VTI1A: variants seen among roughly 807,000 people sequenced by gnomAD.
VTI1A encodes the protein vesicle transport through interaction with t-SNAREs 1A, also known as vesicle transport through interaction with t-SNAREs homolog 1A.
In VTI1A, 22 loss-of-function variants were observed where a neutral mutation model predicts 34.9. The ratio of observed to expected loss-of-function variants is 0.63; its 90% CI spans 0.45 to 0.90. The LOEUF (loss-of-function observed/expected upper bound fraction) is 0.90. VTI1A is among the 40% of genes least tolerant of loss of function. VTI1A has a pLI of 0.00. For missense variants in VTI1A, 268 were observed against 275.6 expected (o/e 0.97, Z 0.20); for synonymous variants, 87 against 97.3 (o/e 0.89, Z 0.62).
chr10:112,450,686 CTG>C (rs1342221185), intron 1 of VTI1A: 2 of 152,140 alleles, frequency 1.3e-5, no homozygotes, highest in Admixed American at 1.3e-4. Context: ...TCTGATTACT[CTG>C]TGATATTTTT....
intron 5 of VTI1A, among the ~76,000 whole-genome samples, chr10:112,563,458 T>C (rs2134338671): frequency 6.6e-6 from 1 of 152,326 alleles, no homozygotes; most frequent in South Asian, 2.1e-4. Context: ...TTCAGTGCTG[T>C]AACCTTATCG....
In VTI1A at chr10:112,752,021, A is replaced by G. The variant is rs531045614; in HGVS notation, c.561-63269A>G. On this transcript the variant is annotated intron_variant, in intron 7 of 7. Coordinates refer to ENST00000393077, the MANE Select transcript of VTI1A (RefSeq NM_145206.4). ...TGATTACACATGTTCAGATACATCAATTTAACAGTAATCAAAGAGTTCTTT... is the reference window on the plus strand; with the variant it reads ...TGATTACACATGTTCAGATACATCAGTTTAACAGTAATCAAAGAGTTCTTT... Among the ~76,000 whole-genome samples the G allele has an allele frequency of 2.6e-5, 4 of 152,334 alleles. No individual in the cohort carries two copies. In the South Asian group the frequency reaches 8.3e-4, roughly 32 times the overall value.
At chr10:112,534,797 A>G (rs1850564577) in intron 4 of VTI1A, among the ~76,000 whole-genome samples, 4 of 152,068 alleles carry the variant, frequency 2.6e-5, no homozygotes, top group Admixed American at 2.6e-4. Flanking sequence ...CATAAATATT[A>G]TTTTTCTGCA....
At chr10:112,827,336 G>A in the VTI1A span, 2 of 151,906 alleles carry the variant, frequency 1.3e-5, no homozygotes, top group African/African-American at 4.8e-5. Context: ...TGGGTGTCAG[G>A]AGCGGTACTT....
chr10:112,513,646 C>T (rs1469137441), intron 3 of VTI1A, among the ~76,000 whole-genome samples: 1 of 151,874 alleles, frequency 6.6e-6, no homozygotes, highest in Non-Finnish European at 1.5e-5. Flanking sequence ...AACATTTCAC[C>T]ATGGAGAATT....
the VTI1A span, among the ~76,000 whole-genome samples, chr10:112,849,288 G>A: frequency 6.6e-6 from 1 of 152,248 alleles, no homozygotes; most frequent in Admixed American, 6.5e-5. Context: ...CCCTCCACCT[G>A]CTGGAGATGT....
intron 5 of VTI1A, among the ~76,000 whole-genome samples, chr10:112,649,857 T>C (rs561101061): frequency 9.4e-4 from 143 of 152,222 alleles, no homozygotes; most frequent in African/African-American, 2.8e-3. Flanking sequence ...AGTAAAAATA[T>C]GATATAAGAG....
chr10:112,787,065 T>G (rs1244201124), intron 7 of VTI1A, among the ~76,000 whole-genome samples: 3 of 152,224 alleles, frequency 2.0e-5, no homozygotes, highest in African/African-American at 7.2e-5. Flanking sequence ...TTTAAATTAC[T>G]AATCCAACTT....
At chr10:112,719,288 A>C (rs1849711868) in intron 7 of VTI1A, among the ~76,000 whole-genome samples, 1 of 152,228 alleles carries the variant, frequency 6.6e-6, no homozygotes, top group African/African-American at 2.4e-5. Context: ...ATCCAAATGC[A>C]AAAATGGGTT....
intron 5 of VTI1A, among the ~76,000 whole-genome samples, chr10:112,568,075 A>G (rs906732812): frequency 3.9e-5 from 6 of 152,190 alleles, no homozygotes; most frequent in Non-Finnish European, 5.9e-5. Context: ...GCCCACTGTG[A>G]TATTTCATAG....
chr10:112,546,729 TAGGGAA>T (rs1851145747), intron 5 of VTI1A, among the ~76,000 whole-genome samples: 3 of 152,138 alleles, frequency 2.0e-5, no homozygotes, highest in Non-Finnish European at 4.4e-5. Context: ...CTTGTTTCAT[TAGGGAA>T]ATGCAAAAAT....
At chr10:112,583,728 A>G (rs1031367890) in intron 5 of VTI1A, among the ~76,000 whole-genome samples, 1 of 152,204 alleles carries the variant, frequency 6.6e-6, no homozygotes, top group South Asian at 2.1e-4. Flanking sequence ...ATAGCAGAGC[A>G]GGGGTGGGTA....
At chr10:112,673,468 G>GCACA (rs150053497) in intron 7 of VTI1A, among the ~76,000 whole-genome samples, 1,518 of 151,652 alleles carry the variant, frequency 0.01, 9 homozygotes, top group African/African-American at 0.019. Flanking sequence ...GCGTGCGCGC[G>GCACA]CACACACACA....
At chr10:112,769,182 G>A (rs1262537556) in intron 7 of VTI1A, among the ~76,000 whole-genome samples, 2 of 152,142 alleles carry the variant, frequency 1.3e-5, no homozygotes, top group South Asian at 2.1e-4. Flanking sequence ...ACATCCACAA[G>A]TAAGTTGGAA....
intron 7 of VTI1A, among the ~76,000 whole-genome samples, chr10:112,669,332 T>C (rs1261192566): frequency 6.6e-6 from 1 of 152,190 alleles, no homozygotes; most frequent in African/African-American, 2.4e-5. Flanking sequence ...GCCTTCTTCT[T>C]ATGGAGGGAA....
chr10:112,527,252 G>C (rs1180303247), intron 4 of VTI1A, 88 bp downstream of exon 4: 10 of 1,125,120 alleles, frequency 8.9e-6, no homozygotes, highest in Non-Finnish European at 1.2e-5. Context: ...CTCCTTAACG[G>C]TATTAGCAGC....
chr10:112,576,241 C>A (rs1843707627), intron 5 of VTI1A, among the ~76,000 whole-genome samples: 1 of 150,132 alleles, frequency 6.7e-6, no homozygotes, highest in Admixed American at 6.6e-5. Context: ...AAGATGGTCT[C>A]GATCTCCTGA....
intron 3 of VTI1A, among the ~76,000 whole-genome samples, chr10:112,471,250 G>T (rs1848063728): frequency 6.6e-6 from 1 of 152,038 alleles, no homozygotes; most frequent in Non-Finnish European, 1.5e-5. Context: ...GTAATTTGCA[G>T]TCAGCATCGT....
At chr10:112,495,901 T>G (rs1203838295) in intron 3 of VTI1A, among the ~76,000 whole-genome samples, 1 of 152,166 alleles carries the variant, frequency 6.6e-6, no homozygotes, top group East Asian at 1.9e-4. Context: ...AAGAGACTAT[T>G]TCAAAAAAGA....
Sources: allele counts gnomAD v4.1 joint callset (sites outside exome capture counted in the v4.1 genomes callset), GRCh38; gene constraint gnomAD v4.1.1; transcripts MANE v1.5; gene names NCBI Gene and HGNC (gene_info 2026-07-23, HGNC 2026-07-21).